Variants in PATE1 observed in about 807,000 individuals in gnomAD.
PATE1 encodes the protein prostate and testis expressed protein 1.
A neutral mutation model predicts 13.1 loss-of-function variants in PATE1; 21 were observed. The observed-to-expected ratio is 1.61, with a 90% CI of 1.14 to 2.31. The LOEUF is 2.31. Among genes scored for constraint, PATE1 ranks in the 30% most tolerant of loss-of-function variants. The pLI, the probability that PATE1 is intolerant of heterozygous loss-of-function variation, is 0.00. For synonymous variants in PATE1, 52 were observed against 47.1 expected, an observed-to-expected ratio of 1.10 and a Z score of -0.43; for missense variants, 166 against 147.2, an observed-to-expected ratio of 1.13 and a Z score of -0.66.
At chr11:125,748,112 A>C in intron 4 of PATE1, 1 of 393,112 alleles carries the variant, frequency 2.5e-6, no homozygotes, top group Non-Finnish European at 4.7e-6. Context: ...AATGGGTAAC[A>C]GTGTGTTGTT....
At chr11:125,748,240 T>C (rs1464602302) in intron 4 of PATE1, among the ~76,000 whole-genome samples, 4 of 152,310 alleles carry the variant, frequency 2.6e-5, no homozygotes, top group African/African-American at 7.2e-5. Context: ...TTGCCCTGGA[T>C]GGTTAAGATG....
chr11:125,747,893 A>C lies in PATE1; in HGVS notation c.247+71A>C, dbSNP rs1462637481. The stretch of plus-strand genomic sequence containing the variant: ...CAGGGACGTATCAGCCACAGGGGAA[A>C]GGAGAGATCTTACTTTACTTTTACT... On this transcript the variant is annotated intron_variant, in intron 4 of 4. Transcript: ENST00000305738. 19 of 1,594,282 alleles carry C rather than the reference A, an allele frequency of 1.2e-5. No individual in the cohort carries two copies. In the East Asian group the frequency reaches 4.3e-4, roughly 36 times the overall value.
At chr11:125,748,044 G>A (rs1040727482) in intron 4 of PATE1, 7 of 589,376 alleles carry the variant, frequency 1.2e-5, no homozygotes, top group African/African-American at 7.5e-5. Flanking sequence ...ATTTTGAGAA[G>A]CCTGAAGAAA....
chr11:125,746,415 C>A, intron 1 of PATE1, 59 bp downstream of exon 1: 2 of 1,568,020 alleles, frequency 1.3e-6, no homozygotes, highest in Non-Finnish European at 1.8e-6. Flanking sequence ...GGTGAGAGCA[C>A]CCATGACAGA....
At chr11:125,748,312 C>T (rs1471133400) in intron 4 of PATE1, among the ~76,000 whole-genome samples, 2 of 152,184 alleles carry the variant, frequency 1.3e-5, no homozygotes, top group Non-Finnish European at 2.9e-5. Context: ...ATTTATAACC[C>T]TCACTTGAAC....
chr11:125,748,187 G>C (rs1204284126), intron 4 of PATE1: 1 of 306,204 alleles, frequency 3.3e-6, no homozygotes, highest in Non-Finnish European at 6.1e-6. Flanking sequence ...GTTCTAAACT[G>C]TGGAAATAGA....
At position 125,746,658 on chromosome 11, in the gene PATE1, C is replaced by A; in HGVS notation, c.53-3C>A. 6.2e-7 allele frequency: 1 copy of A among 1,612,244 alleles called. No homozygotes were observed. The highest frequency in any genetic ancestry group is 2.2e-5 in the East Asian group (1 of 44,816). On this transcript the variant is annotated splice_region_variant and splice_polypyrimidine_tract_variant and intron_variant, in intron 1 of 4. Transcript: ENST00000305738. ...ACAGTGTATCTCTTTTTTTTTCCAA[C>A]AGCATTATCTGGATCACTTTCAATG...
intron 4 of PATE1, chr11:125,748,103 A>G (rs1221985012): frequency 4.8e-6 from 2 of 414,890 alleles, no homozygotes; most frequent in East Asian, 4.9e-5. Flanking sequence ...TCTATGCCCA[A>G]TGGGTAACAG....
rs1427258963 is a variant in PATE1 at position 125,749,843 on chromosome 11, A to T, written c.*1110A>T. On this transcript the variant is annotated 3_prime_UTR_variant, in exon 5 of 5. Transcript: ENST00000305738. ...AAAAATAATAATAAAAATATAAAGA[A>T]AGCTACCTTTCTTCTATACCCAAAT... 6.6e-6 allele frequency: 1 copy of T among 151,856 alleles called. No individual in the cohort carries two copies. Among genetic ancestry groups the T allele is most frequent in the Non-Finnish European group, 1.5e-5 (1 of 67,952 alleles). The allele number at this position is 151,856 out of a possible 1,614,324, so 9.4% of individuals were successfully genotyped here.
intron 4 of PATE1, 186 bp downstream of exon 4, chr11:125,748,008 T>TG (rs1943289155): frequency 1.2e-5 from 10 of 850,360 alleles, no homozygotes; most frequent in Non-Finnish European, 1.8e-5. Context: ...CTAAGGAGGG[T>TG]GGGGGCCTAC....
intron 2 of PATE1, 55 bp from the exon 3 acceptor site, chr11:125,747,321 C>T (rs1048704392): frequency 1.9e-6 from 3 of 1,552,212 alleles, no homozygotes; most frequent in Non-Finnish European, 2.6e-6. Flanking sequence ...GAACCCAATA[C>T]AAGAGTAAAT....
At position 125,748,646 on chromosome 11, in the gene PATE1, T is replaced by G; in HGVS notation, c.294T>G (p.Cys98Trp). The change falls in exon 5 of 5, where the codon TGT (cysteine) becomes TGG (tryptophan). Residue 98 changes from cysteine to tryptophan, a missense_variant. By Grantham distance (215) the Cys-to-Trp change is radical (BLOSUM62 -2). Transcript: ENST00000305738. Reference protein sequence around the residue: ...WLTFMGCLKNCADVKGIRWSV... With the variant: ...WLTFMGCLKNWADVKGIRWSV... Reference sequence around the variant, plus strand: ...CCTTCATGGGCTGCCTAAAGAACTGTGCTGATGTGAAAGGCATAAGGTGGA... The same window carrying G: ...CCTTCATGGGCTGCCTAAAGAACTGGGCTGATGTGAAAGGCATAAGGTGGA... The G allele has an allele frequency of 1.2e-6, 2 of 1,613,930 alleles. No homozygotes were observed. Among genetic ancestry groups the G allele is most frequent in the Non-Finnish European group, 1.7e-6 (2 of 1,179,908 alleles).
At chr11:125,746,578 T>A in intron 1 of PATE1, 83 bp from the exon 2 acceptor site, 1 of 1,519,302 alleles carries the variant, frequency 6.6e-7, no homozygotes, top group Non-Finnish European at 9.1e-7. Context: ...TAGAGAGGAA[T>A]TGAGTGGATG....
chr11:125,748,541 G>C, intron 4 of PATE1, 59 bp from the exon 5 acceptor site: 1 of 1,585,848 alleles, frequency 6.3e-7, no homozygotes, highest in South Asian at 1.2e-5. Flanking sequence ...CTGGAGAAAA[G>C]TTTTTTAGCA....
In PATE1 at chr11:125,748,649, T is replaced by G. The variant is rs1163302415; in HGVS notation, c.297T>G (p.Ala99=). The G allele has an allele frequency of 8.1e-6, 13 of 1,613,972 alleles. No homozygotes were observed. Among genetic ancestry groups the G allele is most frequent in the Non-Finnish European group, 1.1e-5 (13 of 1,179,912 alleles). ...TCATGGGCTGCCTAAAGAACTGTGC[T>G]GATGTGAAAGGCATAAGGTGGAGTG... The part of the protein sequence containing the change: ...LTFMGCLKNC[A]DVKGIRWSVY... Residue 99 remains alanine (A), a synonymous_variant, in exon 5 of 5, where the codon GCT becomes GCG. Coordinates refer to ENST00000305738, the MANE Select transcript of PATE1 (RefSeq NM_138294.3).
At chr11:125,748,482 A>G in intron 4 of PATE1, 118 bp from the exon 5 acceptor site, 1 of 1,231,744 alleles carries the variant, frequency 8.1e-7, no homozygotes, top group South Asian at 1.7e-5. Flanking sequence ...TTACATTTGA[A>G]TAACGGAGCT....
chr11:125,747,481 CT>C (rs5795459), intron 3 of PATE1, 70 bp downstream of exon 3: 1,407,799 of 1,479,010 alleles, frequency 0.95, 670,538 homozygotes, highest in East Asian at 1. Flanking sequence ...ATTCCTCCAC[CT>C]TTCTTTCCCC....
intron 1 of PATE1, 62 bp from the exon 2 acceptor site, chr11:125,746,599 C>T: frequency 6.3e-7 from 1 of 1,583,942 alleles, no homozygotes; most frequent in Non-Finnish European, 8.7e-7. Flanking sequence ...TTCATAGAAG[C>T]TTTGAGATGG....
chr11:125,747,899 G>C (rs923079419), intron 4 of PATE1, 77 bp downstream of exon 4: 9 of 1,584,350 alleles, frequency 5.7e-6, no homozygotes, highest in Non-Finnish European at 7.8e-6. Context: ...GGAAAGGAGA[G>C]ATCTTACTTT....
Sources: gnomAD v4.1 joint callset for allele counts (sites outside exome capture counted in the v4.1 genomes callset) on GRCh38, gnomAD v4.1.1 for gene constraint, MANE v1.5 for transcripts, NCBI Gene and HGNC (gene_info 2026-07-23, HGNC 2026-07-21) for gene names.